Variants in TENM2 observed in about 807,000 individuals in gnomAD.
TENM2 encodes the protein teneurin-2.
Under a neutral mutation model 245.2 loss-of-function variants are expected in TENM2, and 52 were observed. The observed-to-expected ratio is 0.21, with a 90% confidence interval of 0.17 to 0.27. The LOEUF is 0.27. TENM2 is among the 10% of genes least tolerant of loss of function. The pLI is 1.00. For missense variants in TENM2, 3,046 were observed against 3,666.8 expected (o/e 0.83, Z 4.37); for synonymous variants, 1,363 against 1,438.9 (o/e 0.95, Z 1.19).
chr5:168,127,216 A>G (rs1795916861), intron 12 of TENM2, among the ~76,000 whole-genome samples: 1 of 152,326 alleles, frequency 6.6e-6, no homozygotes, highest in East Asian at 1.9e-4. Flanking sequence ...AATCTCAGGG[A>G]GGGAGAAATG....
At chr5:167,295,072 G>A (rs545517355) in intron 1 of TENM2, among the ~76,000 whole-genome samples, 5 of 152,262 alleles carry the variant, frequency 3.3e-5, no homozygotes, top group African/African-American at 1.2e-4. Flanking sequence ...TATGAATAGG[G>A]AAATAAACAA....
At chr5:168,153,371 A>G (rs1756824110) in intron 12 of TENM2, among the ~76,000 whole-genome samples, 1 of 152,236 alleles carries the variant, frequency 6.6e-6, no homozygotes, top group Non-Finnish European at 1.5e-5. Context: ...AGGGTTCATT[A>G]GAATTATGAG....
intron 2 of TENM2, among the ~76,000 whole-genome samples, chr5:167,385,392 C>T (rs1561913535): frequency 6.7e-6 from 1 of 150,116 alleles, no homozygotes; most frequent in Non-Finnish European, 1.5e-5. Flanking sequence ...AAGCTTTCTG[C>T]TTGTCTTTAT....
At chr5:167,183,317 T>G in the TENM2 span, among the ~76,000 whole-genome samples, 2 of 152,194 alleles carry the variant, frequency 1.3e-5, no homozygotes, top group South Asian at 4.1e-4. Flanking sequence ...TTTCCCAGTG[T>G]GCAAATCTGA....
chr5:167,239,125 G>T, the TENM2 span, among the ~76,000 whole-genome samples: 1 of 152,132 alleles, frequency 6.6e-6, no homozygotes, highest in East Asian at 1.9e-4. Flanking sequence ...GAAAGATCTG[G>T]TCTCTCCAAG....
At chr5:167,711,009 T>G (rs947639261) in intron 2 of TENM2, among the ~76,000 whole-genome samples, 11 of 152,194 alleles carry the variant, frequency 7.2e-5, no homozygotes, top group African/African-American at 2.7e-4. Context: ...TGCTAAGCAT[T>G]TTACATGAAT....
chr5:168,061,938 A>T (rs568582363), intron 6 of TENM2, 122 bp from the exon 9 acceptor site: 1 of 891,552 alleles, frequency 1.1e-6, no homozygotes, highest in East Asian at 2.7e-5. Flanking sequence ...GAAACTTGCC[A>T]TGAGTTTAAT....
chr5:167,377,129 T>G (rs1426348600), intron 2 of TENM2, among the ~76,000 whole-genome samples: 1 of 152,124 alleles, frequency 6.6e-6, no homozygotes, highest in Non-Finnish European at 1.5e-5. Flanking sequence ...GCACAAAAAA[T>G]GCTTGCCATG....
At chr5:168,046,374 A>G (rs1788608621) in intron 5 of TENM2, among the ~76,000 whole-genome samples, 1 of 152,226 alleles carries the variant, frequency 6.6e-6, no homozygotes, top group East Asian at 1.9e-4. Flanking sequence ...TGGAAATGCC[A>G]GACATCGTTT....
chr5:167,627,220 TAGTA>T lies in TENM2; in HGVS notation c.503-248759_503-248756del, dbSNP rs201543391. Among the ~76,000 whole-genome samples, 1,059 of 152,242 alleles carry T rather than the reference TAGTA, an allele frequency of 7.0e-3. 11 individuals carry two copies. The highest frequency in any genetic ancestry group is 0.038 in the Middle Eastern group (11 of 292). On this transcript the variant is annotated intron_variant, in intron 2 of 28. Coordinates refer to ENST00000518659, the Ensembl canonical transcript of TENM2. ...TGGATTGAATTCAGTGCAATTACCC[TAGTA>T]AGTAAGGCTTGTTAAAAAGAGATAA...
the TENM2 span, among the ~76,000 whole-genome samples, chr5:167,029,598 TATC>T: frequency 1.3e-5 from 2 of 152,146 alleles, no homozygotes; most frequent in African/African-American, 4.8e-5. Context: ...GCAAGTGACT[TATC>T]AGGCTAATCT....
At chr5:167,830,108 G>T (rs987666823) in intron 2 of TENM2, among the ~76,000 whole-genome samples, 1 of 152,164 alleles carries the variant, frequency 6.6e-6, no homozygotes, top group Non-Finnish European at 1.5e-5. Context: ...ATTTTATTGA[G>T]CCAAGTATTC....
At chr5:168,030,168 T>TTTTTTTTTTTTTTTTTTTTTTTC (rs1562071982) in intron 5 of TENM2, among the ~76,000 whole-genome samples, 6 of 84,624 alleles carry the variant, frequency 7.1e-5, no homozygotes, top group Non-Finnish European at 1.5e-4. Flanking sequence ...CTTTTTTTTT[T>TTTTTTTTTTTTTTTTTTTTTTTC]TTTTTTTTTT....
intron 2 of TENM2, among the ~76,000 whole-genome samples, chr5:167,747,479 A>G (rs1382599296): frequency 6.6e-6 from 1 of 152,156 alleles, no homozygotes; most frequent in Non-Finnish European, 1.5e-5. Context: ...CTAAGAATCT[A>G]TTTATGTTCC....
chr5:168,214,038 G>A (rs1463932548), intron 20 of TENM2, among the ~76,000 whole-genome samples: 3 of 152,236 alleles, frequency 2.0e-5, no homozygotes, highest in Non-Finnish European at 2.9e-5. Flanking sequence ...TTTTGAGCCA[G>A]AAGGAACATT....
chr5:167,206,896 C>G, the TENM2 span, among the ~76,000 whole-genome samples: 2 of 151,958 alleles, frequency 1.3e-5, no homozygotes, highest in Non-Finnish European at 2.9e-5. Context: ...AATAGGCAAA[C>G]AGACAAATGA....
At chr5:167,566,607 G>A (rs1043127866) in intron 2 of TENM2, among the ~76,000 whole-genome samples, 6 of 152,292 alleles carry the variant, frequency 3.9e-5, no homozygotes, top group East Asian at 1.9e-4. Flanking sequence ...CAGTGAATGC[G>A]TTTTTCTGAT....
At chr5:167,420,570 A>G (rs1264441197) in intron 2 of TENM2, among the ~76,000 whole-genome samples, 1 of 152,130 alleles carries the variant, frequency 6.6e-6, no homozygotes, top group Non-Finnish European at 1.5e-5. Flanking sequence ...TGCACTAAGT[A>G]TTCTTCCTGC....
chr5:168,167,626 A>T (rs1758422299), intron 13 of TENM2, among the ~76,000 whole-genome samples: 1 of 152,100 alleles, frequency 6.6e-6, no homozygotes, highest in South Asian at 2.1e-4. Context: ...AAACTAGGAG[A>T]GATGTCTTTT....
Sources: gnomAD v4.1 joint callset for allele counts (sites outside exome capture counted in the v4.1 genomes callset) on GRCh38, gnomAD v4.1.1 for gene constraint, MANE v1.5 for transcripts, NCBI Gene and HGNC (gene_info 2026-07-23, HGNC 2026-07-21) for gene names.